Variants in BMPR1B observed in about 807,000 individuals in gnomAD.
BMPR1B encodes bone morphogenetic protein receptor type 1B.
BMPR1B carries 12 observed loss-of-function variants against 59.1 expected under a neutral mutation model. That is an observed-to-expected ratio of 0.20 (90% CI 0.13 to 0.33). BMPR1B has a LOEUF of 0.33. BMPR1B is among the 10% of genes least tolerant of loss of function. The pLI is 1.00. For missense variants in BMPR1B, 550 were observed against 610.9 expected (o/e 0.90, Z 1.05); for synonymous variants, 237 against 207.3 (o/e 1.14, Z -1.23).
intron 1 of BMPR1B, among the ~76,000 whole-genome samples, chr4:94,839,697 G>A (rs13152503): frequency 0.49 from 63,830 of 131,214 alleles, 17,715 homozygotes; most frequent in African/African-American, 0.68. Context: ...ACACTGATGG[G>A]TCTTGACTCT....
intron 2 of BMPR1B, among the ~76,000 whole-genome samples, chr4:94,932,114 A>AC (rs1729115019): frequency 6.6e-6 from 1 of 152,150 alleles, no homozygotes; most frequent in Admixed American, 6.5e-5. Flanking sequence ...AAAGGTGCTG[A>AC]CCATTGCCCT....
At chr4:94,973,330 A>G (rs759230885) in intron 2 of BMPR1B, among the ~76,000 whole-genome samples, 26 of 152,154 alleles carry the variant, frequency 1.7e-4, no homozygotes, top group South Asian at 4.1e-4. Flanking sequence ...TCTGGTGTCC[A>G]GGAAAAATGA....
At chr4:95,133,663 C>T (rs1162979883) in intron 10 of BMPR1B, among the ~76,000 whole-genome samples, 5 of 152,034 alleles carry the variant, frequency 3.3e-5, no homozygotes, top group African/African-American at 9.7e-5. Flanking sequence ...CCTTGACCTT[C>T]GAGGCCCAAG....
At chr4:94,768,513 A>G (rs558464973) in intron 1 of BMPR1B, among the ~76,000 whole-genome samples, 6 of 151,694 alleles carry the variant, frequency 4.0e-5, no homozygotes. Flanking sequence ...CTCCCCTTTC[A>G]TTTTTATCTT....
At chr4:95,152,848 A>G (rs1560696294) in intron 12 of BMPR1B, 75 bp downstream of exon 12, 3 of 1,551,922 alleles carry the variant, frequency 1.9e-6, no homozygotes, top group East Asian at 4.7e-5. Flanking sequence ...AATTCCACAT[A>G]TTGATTGTAG....
intron 3 of BMPR1B, among the ~76,000 whole-genome samples, chr4:95,038,504 T>C (rs759518098): frequency 6.6e-6 from 1 of 152,118 alleles, no homozygotes; most frequent in Non-Finnish European, 1.5e-5. Context: ...AAAGAGATAA[T>C]GTTATGCAAC....
At chr4:94,974,911 A>AG (rs1468543188) in intron 2 of BMPR1B, among the ~76,000 whole-genome samples, 1 of 152,226 alleles carries the variant, frequency 6.6e-6, no homozygotes, top group African/African-American at 2.4e-5. Flanking sequence ...TGAACCGTAA[A>AG]GGGTTTGGAA....
chr4:94,855,442 G>C (rs980039349), intron 1 of BMPR1B, among the ~76,000 whole-genome samples: 2 of 152,126 alleles, frequency 1.3e-5, no homozygotes, highest in African/African-American at 4.8e-5. Context: ...CTGGTGTGCC[G>C]ATGACTCTTT....
chr4:94,905,985 T>G (rs1338966127), intron 2 of BMPR1B, among the ~76,000 whole-genome samples: 3 of 151,536 alleles, frequency 2.0e-5, no homozygotes, highest in African/African-American at 7.3e-5. Flanking sequence ...AAGGAGTAAT[T>G]AATGGATAAT....
At chr4:95,116,760 C>T (rs887254093) in intron 6 of BMPR1B, among the ~76,000 whole-genome samples, 17 of 151,650 alleles carry the variant, frequency 1.1e-4, no homozygotes, top group Admixed American at 5.3e-4. Flanking sequence ...GAAACAGGTG[C>T]ACACCACCAC....
chr4:95,106,604 G>A (rs983915386), intron 4 of BMPR1B, among the ~76,000 whole-genome samples: 9 of 152,078 alleles, frequency 5.9e-5, no homozygotes, highest in African/African-American at 1.9e-4. Flanking sequence ...AATGAAAGAG[G>A]ACAGATGAAA....
At chr4:94,977,616 T>G (rs1176945883) in intron 2 of BMPR1B, among the ~76,000 whole-genome samples, 1 of 152,034 alleles carries the variant, frequency 6.6e-6, no homozygotes, top group African/African-American at 2.4e-5. Context: ...CCCAGCACTT[T>G]GGGAGGCCGA....
intron 2 of BMPR1B, among the ~76,000 whole-genome samples, chr4:94,919,097 T>C (rs1482668622): frequency 6.6e-6 from 1 of 152,166 alleles, no homozygotes. Context: ...TGTTATTTCT[T>C]CTTCTTGTTT....
intron 3 of BMPR1B, among the ~76,000 whole-genome samples, chr4:95,024,231 C>G (rs1560601798): frequency 6.6e-6 from 1 of 152,158 alleles, no homozygotes; most frequent in Non-Finnish European, 1.5e-5. Flanking sequence ...AAAGAAGTGA[C>G]TTTAACTTAC....
At chr4:94,844,179 G>C (rs113021748) in intron 1 of BMPR1B, among the ~76,000 whole-genome samples, 1 of 151,684 alleles carries the variant, frequency 6.6e-6, no homozygotes, top group Admixed American at 6.6e-5. Flanking sequence ...CACAAAAAAA[G>C]GTTAAAAAAG....
At chr4:95,059,179 AAAC>A (rs1293487213) in intron 3 of BMPR1B, among the ~76,000 whole-genome samples, 7 of 152,128 alleles carry the variant, frequency 4.6e-5, no homozygotes, top group Admixed American at 3.9e-4. Flanking sequence ...GTGACCCGGA[AAAC>A]AACAACAATA....
chr4:94,814,885 C>T (rs1723950381), intron 1 of BMPR1B, among the ~76,000 whole-genome samples: 1 of 151,960 alleles, frequency 6.6e-6, no homozygotes, highest in African/African-American at 2.4e-5. Context: ...ATTAATGAGG[C>T]ATTTTCATTT....
chr4:95,108,226 G>C (rs1437661800), intron 4 of BMPR1B, among the ~76,000 whole-genome samples: 1 of 152,022 alleles, frequency 6.6e-6, no homozygotes, highest in Non-Finnish European at 1.5e-5. Context: ...TCCCAGATCA[G>C]TAGCAAGCAG....
At chr4:95,068,431 C>T (rs1055823160) in intron 3 of BMPR1B, among the ~76,000 whole-genome samples, 1 of 152,110 alleles carries the variant, frequency 6.6e-6, no homozygotes, top group Non-Finnish European at 1.5e-5. Context: ...AGGGCTACAG[C>T]CACCAGTTCC....
Sources: gnomAD v4.1 joint callset for allele counts (sites outside exome capture counted in the v4.1 genomes callset) on GRCh38, gnomAD v4.1.1 for gene constraint, MANE v1.5 for transcripts, NCBI Gene and HGNC (gene_info 2026-07-23, HGNC 2026-07-21) for gene names.